Variants in SH3BGRL2 observed in about 807,000 individuals in gnomAD.
SH3BGRL2 encodes SH3 domain-binding glutamic acid-rich-like protein 2.
Under a neutral mutation model 14.8 loss-of-function variants are expected in SH3BGRL2, and 21 were observed. The observed-to-expected ratio is 1.42, with a 90% CI of 1.01 to 2.05. The LOEUF (loss-of-function observed/expected upper bound fraction) is 2.05. Among genes scored for constraint, SH3BGRL2 ranks in the 30% most tolerant of loss-of-function variants. SH3BGRL2 has a pLI of 0.00. For missense variants in SH3BGRL2, 147 were observed against 130.8 expected (o/e 1.12, Z -0.61); for synonymous variants, 50 against 47.8 (o/e 1.05, Z -0.19).
chr6:79,607,644 G>C, the SH3BGRL2 span, among the ~76,000 whole-genome samples: 1 of 152,034 alleles, frequency 6.6e-6, no homozygotes, highest in African/African-American at 2.4e-5. Flanking sequence ...TTGAGACTGG[G>C]TAATTTATAA....
At chr6:79,663,790 C>T (rs1047215443) in intron 1 of SH3BGRL2, among the ~76,000 whole-genome samples, 1 of 152,230 alleles carries the variant, frequency 6.6e-6, no homozygotes, top group African/African-American at 2.4e-5. Context: ...TCTATAGAGG[C>T]TGTAGGCCCT....
Position 79,701,740 on chromosome 6 carries a change from T to G in SH3BGRL2, c.*2231T>G, listed in dbSNP as rs904081949. On this transcript the variant is annotated 3_prime_UTR_variant, in exon 4 of 4. Coordinates refer to ENST00000369838, the MANE Select transcript of SH3BGRL2 (RefSeq NM_031469.4). Reference sequence around the variant, plus strand: ...CAGGCTCCACAGAGTACCAAGATGTTGCCCTCTGGGACCACACTTAGCTCA... The same window carrying G: ...CAGGCTCCACAGAGTACCAAGATGTGGCCCTCTGGGACCACACTTAGCTCA... The G allele has an allele frequency of 7.2e-5, 11 of 152,062 alleles. No individual in the cohort carries two copies. The highest frequency in any genetic ancestry group is 1.2e-4 in the Non-Finnish European group (8 of 68,018). The allele number at this position is 152,062 out of a possible 1,614,324, so 9.4% of individuals were successfully genotyped here.
the SH3BGRL2 span, among the ~76,000 whole-genome samples, chr6:79,585,225 CAGATGATTTTTCA>C: frequency 1.7e-4 from 26 of 152,036 alleles, no homozygotes; most frequent in Non-Finnish European, 2.9e-4. Flanking sequence ...ATTTGCACAG[CAGATGATTTTTCA>C]AGCCTATAGC....
intron 1 of SH3BGRL2, among the ~76,000 whole-genome samples, chr6:79,642,091 A>G (rs768873222): frequency 1.3e-5 from 2 of 152,192 alleles, no homozygotes; most frequent in Non-Finnish European, 2.9e-5. Context: ...TTTGCTATAC[A>G]TAATACAGTC....
chr6:79,593,235 T>C, the SH3BGRL2 span, among the ~76,000 whole-genome samples: 1 of 152,176 alleles, frequency 6.6e-6, no homozygotes, highest in Non-Finnish European at 1.5e-5. Flanking sequence ...ACTTTTCCAA[T>C]TAAAATAGTG....
the SH3BGRL2 span, among the ~76,000 whole-genome samples, chr6:79,618,914 C>CGAAAAAAAAAAAAAAAAA: frequency 1.3e-5 from 1 of 76,276 alleles, no homozygotes; most frequent in Non-Finnish European, 2.5e-5. Flanking sequence ...GAGACTCTGT[C>CGAAAAAAAAAAAAAAAAA]AAAAAAAAAA....
the SH3BGRL2 span, among the ~76,000 whole-genome samples, chr6:79,589,566 G>A: frequency 6.6e-6 from 1 of 152,106 alleles, no homozygotes; most frequent in African/African-American, 2.4e-5. Flanking sequence ...GTTTATGGAT[G>A]CAATAGGTTC....
At chr6:79,557,488 G>A in the SH3BGRL2 span, among the ~76,000 whole-genome samples, 1 of 152,064 alleles carries the variant, frequency 6.6e-6, no homozygotes, top group East Asian at 1.9e-4. Context: ...GCAGCAAAAA[G>A]CATCCAGTAT....
the SH3BGRL2 span, among the ~76,000 whole-genome samples, chr6:79,538,926 A>G: frequency 6.6e-6 from 1 of 152,186 alleles, no homozygotes; most frequent in Admixed American, 6.5e-5. Context: ...AGTAGTAAGT[A>G]GTAATGCCAG....
At chr6:79,699,066 G>A (rs1201465181) in intron 3 of SH3BGRL2, among the ~76,000 whole-genome samples, 1 of 151,928 alleles carries the variant, frequency 6.6e-6, no homozygotes, top group East Asian at 1.9e-4. Context: ...GCTCAAGGGG[G>A]AGGGTGCGCA....
the SH3BGRL2 span, among the ~76,000 whole-genome samples, chr6:79,591,903 A>G: frequency 1.3e-5 from 2 of 152,324 alleles, no homozygotes; most frequent in South Asian, 4.1e-4. Context: ...GTATTATTAT[A>G]TAATGATGAC....
rs190597218 is a variant in SH3BGRL2 at position 79,667,909 on chromosome 6, A to G, written c.46-5705A>G. 1.8e-3 allele frequency among the ~76,000 whole-genome samples: 274 copies of G among 148,284 alleles called. 1 individual carries two copies. The highest frequency in any genetic ancestry group is 6.4e-3 in the African/African-American group (257 of 40,024). On this transcript the variant is annotated intron_variant, in intron 1 of 3. Coordinates refer to ENST00000369838, the MANE Select transcript of SH3BGRL2 (RefSeq NM_031469.4). The stretch of plus-strand genomic sequence containing the variant: ...ACTTCCCCCGGCCCCACCTCCCCCC[A>G]GTTTTCCTCATTGTCCTCTGTGGCT...
the SH3BGRL2 span, among the ~76,000 whole-genome samples, chr6:79,566,524 A>G: frequency 1.3e-5 from 2 of 152,178 alleles, no homozygotes; most frequent in Non-Finnish European, 2.9e-5. Flanking sequence ...TTACTCCACA[A>G]TAGCTCATAA....
chr6:79,613,500 C>A, the SH3BGRL2 span, among the ~76,000 whole-genome samples: 2 of 152,186 alleles, frequency 1.3e-5, no homozygotes, highest in Non-Finnish European at 1.5e-5. Context: ...TGATAGTATT[C>A]ATACTCTAGA....
the SH3BGRL2 span, among the ~76,000 whole-genome samples, chr6:79,543,485 G>A: frequency 6.6e-6 from 1 of 152,184 alleles, no homozygotes; most frequent in Non-Finnish European, 1.5e-5. Context: ...TGGAAACCCA[G>A]AGACCTTAAT....
intron 2 of SH3BGRL2, among the ~76,000 whole-genome samples, chr6:79,692,321 A>C (rs1049910069): frequency 1.3e-5 from 2 of 152,018 alleles, no homozygotes; most frequent in African/African-American, 2.4e-5. Flanking sequence ...GTTCACTCTG[A>C]TGGTAGTTTC....
chr6:79,584,596 G>A, the SH3BGRL2 span, among the ~76,000 whole-genome samples: 7 of 152,092 alleles, frequency 4.6e-5, no homozygotes, highest in African/African-American at 7.2e-5. Context: ...AAGATGTGTA[G>A]GTCCCAAGGC....
intron 2 of SH3BGRL2, among the ~76,000 whole-genome samples, chr6:79,684,903 T>C (rs1345686702): frequency 1.3e-5 from 2 of 152,188 alleles, no homozygotes; most frequent in Non-Finnish European, 2.9e-5. Flanking sequence ...TAAATATTCA[T>C]ATGTGGCATC....
At chr6:79,562,068 T>G in the SH3BGRL2 span, among the ~76,000 whole-genome samples, 1 of 152,166 alleles carries the variant, frequency 6.6e-6, no homozygotes, top group Non-Finnish European at 1.5e-5. Context: ...TCTGTAGTAT[T>G]ATTTCCTATC....
Sources: allele counts gnomAD v4.1 joint callset (sites outside exome capture counted in the v4.1 genomes callset), GRCh38; gene constraint gnomAD v4.1.1; transcripts MANE v1.5; gene names NCBI Gene and HGNC (gene_info 2026-07-23, HGNC 2026-07-21).